The following C8orf34 variants were observed in gnomAD, a reference collection of about 807,000 sequenced individuals.
C8orf34 encodes chromosome 8 open reading frame 34.
C8orf34 carries 65 observed loss-of-function variants against 68.3 expected under a neutral mutation model. The observed-to-expected ratio is 0.95, with a 90% CI of 0.78 to 1.17. C8orf34 has a LOEUF of 1.17. Ranked by LOEUF, C8orf34 falls within the 50% of genes most tolerant of loss-of-function variation. C8orf34 has a pLI of 0.00. For synonymous variants in C8orf34, 244 were observed against 241.2 expected (o/e 1.01, Z -0.11); for missense variants, 664 against 655.4 (o/e 1.01, Z -0.14).
intron 8 of C8orf34, among the ~76,000 whole-genome samples, chr8:68,644,719 TG>T (rs1335612070): frequency 6.6e-6 from 1 of 152,160 alleles, no homozygotes; most frequent in Non-Finnish European, 1.5e-5. Flanking sequence ...GGCCAGGTTA[TG>T]GGCATGAGTT....
chr8:68,669,954 C>T (rs1819956177), intron 8 of C8orf34, among the ~76,000 whole-genome samples: 1 of 152,130 alleles, frequency 6.6e-6, no homozygotes, highest in South Asian at 2.1e-4. Flanking sequence ...GGCTGAATAA[C>T]CTACTCACTC....
At chr8:68,345,439 A>G (rs1411661059) in intron 1 of C8orf34, among the ~76,000 whole-genome samples, 3 of 152,196 alleles carry the variant, frequency 2.0e-5, no homozygotes, top group Admixed American at 6.6e-5. Flanking sequence ...GCAAGAATTC[A>G]TAGTAGGCAG....
chr8:68,345,444 A>G (rs1806239996), intron 1 of C8orf34, among the ~76,000 whole-genome samples: 1 of 152,090 alleles, frequency 6.6e-6, no homozygotes, highest in Non-Finnish European at 1.5e-5. Context: ...AATTCATAGT[A>G]GGCAGACTTA....
At chr8:68,760,450 A>C (rs1822990242) in intron 10 of C8orf34, among the ~76,000 whole-genome samples, 1 of 152,228 alleles carries the variant, frequency 6.6e-6, no homozygotes, top group African/African-American at 2.4e-5. Flanking sequence ...TCTCATGTCC[A>C]AATCCAATTT....
chr8:68,557,097 C>G (rs1816279054), intron 7 of C8orf34, among the ~76,000 whole-genome samples: 1 of 152,106 alleles, frequency 6.6e-6, no homozygotes, highest in South Asian at 2.1e-4. Flanking sequence ...ATGAAAAGAA[C>G]AGCAGAAAAA....
chr8:68,607,476 A>C (rs1041197076), intron 7 of C8orf34, among the ~76,000 whole-genome samples: 1 of 152,150 alleles, frequency 6.6e-6, no homozygotes, highest in East Asian at 1.9e-4. Flanking sequence ...TCTTCTAAGG[A>C]CACCAGTGAC....
At chr8:68,573,402 T>G (rs1038443684) in intron 7 of C8orf34, among the ~76,000 whole-genome samples, 1 of 152,096 alleles carries the variant, frequency 6.6e-6, no homozygotes, top group South Asian at 2.1e-4. Flanking sequence ...CAAGGAGGAA[T>G]GAGAAATATA....
chr8:68,618,934 A>T (rs1818307870), intron 7 of C8orf34, among the ~76,000 whole-genome samples: 1 of 152,168 alleles, frequency 6.6e-6, no homozygotes, highest in Non-Finnish European at 1.5e-5. Context: ...TTTAAATACC[A>T]TGGATAATGT....
At chr8:68,625,130 A>ATT (rs1321418795) in intron 7 of C8orf34, among the ~76,000 whole-genome samples, 4 of 152,174 alleles carry the variant, frequency 2.6e-5, no homozygotes, top group African/African-American at 9.7e-5. Context: ...TTGAGCAGAC[A>ATT]TGAATGTAGG....
chr8:68,423,971 A>G (rs899866871), intron 1 of C8orf34, among the ~76,000 whole-genome samples: 6 of 152,056 alleles, frequency 3.9e-5, no homozygotes, highest in African/African-American at 1.4e-4. Flanking sequence ...TGATCTGATT[A>G]CCTCCACCTA....
chr8:68,792,061 C>T (rs1824009635), intron 12 of C8orf34: 1 of 152,144 alleles, frequency 6.6e-6, no homozygotes, highest in African/African-American at 2.4e-5. Context: ...ACAGGGTCCT[C>T]TCATGTGTAA....
rs574916066 is a variant in C8orf34, at chr8:68,645,880, C to G, written c.1241+5369C>G. ...TTATAGGGACTCAGATCATGCTACC[C>G]TAAATAGGGCGCTTTGGCATGTTGG... On this transcript the variant is annotated intron_variant, in intron 8 of 13. Transcript: ENST00000518698. Among the ~76,000 whole-genome samples, 254 of 152,172 alleles carry G rather than the reference C, an allele frequency of 1.7e-3. 3 individuals are homozygous for G. The highest frequency in any genetic ancestry group is 4.1e-4 in the Non-Finnish European group (28 of 68,006).
intron 1 of C8orf34, among the ~76,000 whole-genome samples, chr8:68,410,804 G>A (rs1809410811): frequency 6.6e-6 from 1 of 152,144 alleles, no homozygotes; most frequent in Non-Finnish European, 1.5e-5. Context: ...ACTTTCTCCT[G>A]TGGGTAAAAG....
At chr8:68,810,984 G>A (rs1393836325) in intron 12 of C8orf34, among the ~76,000 whole-genome samples, 1 of 152,162 alleles carries the variant, frequency 6.6e-6, no homozygotes, top group Non-Finnish European at 1.5e-5. Flanking sequence ...CAGCTTAAAG[G>A]TAGAGCTTTA....
At chr8:68,447,329 T>C (rs937366347) in intron 3 of C8orf34, 5 of 152,186 alleles carry the variant, frequency 3.3e-5, no homozygotes, top group African/African-American at 1.2e-4. Flanking sequence ...GGTGATCAAA[T>C]TTACCATGTG....
intron 11 of C8orf34, among the ~76,000 whole-genome samples, chr8:68,777,794 GA>G (rs1392753928): frequency 6.6e-6 from 1 of 152,120 alleles, no homozygotes; most frequent in African/African-American, 2.4e-5. Context: ...TAGGTAAAGA[GA>G]AAACCTTTAT....
At chr8:68,677,268 A>G (rs1820221342) in intron 8 of C8orf34, among the ~76,000 whole-genome samples, 1 of 152,232 alleles carries the variant, frequency 6.6e-6, no homozygotes, top group Non-Finnish European at 1.5e-5. Flanking sequence ...TATGGGATAA[A>G]GTGAAAGTGG....
At chr8:68,588,885 T>G (rs1817283906) in intron 7 of C8orf34, among the ~76,000 whole-genome samples, 1 of 152,290 alleles carries the variant, frequency 6.6e-6, no homozygotes. Flanking sequence ...ATTTTCTCCT[T>G]AGCAGGCCAT....
intron 10 of C8orf34, among the ~76,000 whole-genome samples, chr8:68,744,844 G>T (rs1274407389): frequency 2.6e-5 from 4 of 152,178 alleles, no homozygotes; most frequent in Non-Finnish European, 5.9e-5. Flanking sequence ...CCCCAATCTA[G>T]CAAGGCAGGC....
Sources: gnomAD v4.1 joint callset for allele counts (sites outside exome capture counted in the v4.1 genomes callset) on GRCh38, gnomAD v4.1.1 for gene constraint, MANE v1.5 for transcripts, NCBI Gene and HGNC (gene_info 2026-07-23, HGNC 2026-07-21) for gene names.